STXBP5L: variants seen among roughly 807,000 people sequenced by gnomAD.
The protein encoded by STXBP5L is syntaxin-binding protein 5-like.
A neutral mutation model predicts 144.5 loss-of-function variants in STXBP5L; 65 were observed. The ratio of observed to expected loss-of-function variants is 0.45; its 90% confidence interval spans 0.37 to 0.55. The LOEUF (loss-of-function observed/expected upper bound fraction) is 0.55, where lower values mean the gene tolerates loss of function less well. STXBP5L is among the 20% of genes least tolerant of loss of function. The pLI, the probability that STXBP5L is intolerant of heterozygous loss-of-function variation, is 0.00. For missense variants in STXBP5L, 1,298 were observed against 1,405.5 expected, an observed-to-expected ratio of 0.92 and a Z score of 1.22; for synonymous variants, 505 against 469.6, an observed-to-expected ratio of 1.08 and a Z score of -0.97.
At chr3:121,003,265 G>A (rs565561501) in intron 3 of STXBP5L, among the ~76,000 whole-genome samples, 3 of 152,168 alleles carry the variant, frequency 2.0e-5, no homozygotes, top group South Asian at 2.1e-4. Context: ...GTGTGAGACG[G>A]TATCTCATTG....
intron 15 of STXBP5L, 69 bp from the exon 16 acceptor site, chr3:121,254,826 G>A (rs1005393661): frequency 1.4e-5 from 18 of 1,314,660 alleles, no homozygotes; most frequent in Non-Finnish European, 1.6e-5. Flanking sequence ...CAAATATATT[G>A]GAAAAGCTTT....
At chr3:121,362,548 A>C (rs2045742545) in intron 20 of STXBP5L, among the ~76,000 whole-genome samples, 1 of 152,082 alleles carries the variant, frequency 6.6e-6, no homozygotes, top group African/African-American at 2.4e-5. Context: ...TCATGCTACC[A>C]CTAACATTCC....
intron 10 of STXBP5L, among the ~76,000 whole-genome samples, chr3:121,210,310 A>T (rs1427783099): frequency 6.6e-6 from 1 of 151,440 alleles, no homozygotes; most frequent in Non-Finnish European, 1.5e-5. Context: ...ATTTAAGTTC[A>T]TTGTAGATTC....
chr3:121,187,364 A>G (rs1366970060), intron 9 of STXBP5L, among the ~76,000 whole-genome samples: 1 of 138,374 alleles, frequency 7.2e-6, no homozygotes, highest in East Asian at 2.5e-4. Flanking sequence ...GAACACATGG[A>G]CACAGGAAGG....
rs78158375 is a variant in STXBP5L at position 121,069,515 on chromosome 3, G to T, written c.470+23980G>T. Among the ~76,000 whole-genome samples the T allele has an allele frequency of 1.1e-3, 166 of 151,972 alleles. 3 individuals are homozygous for T. In the East Asian group the frequency reaches 0.032, roughly 29 times the overall value. On this transcript the variant is annotated intron_variant, in intron 5 of 26. Transcript: ENST00000471454. ...TCTCTCGGTGTAATTTCCAAAAAGC[G>T]CAATTGCCGGGTTGTATGACATTTG...
chr3:120,910,044 GTATTA>G (rs1464913171), intron 2 of STXBP5L, among the ~76,000 whole-genome samples: 3 of 152,178 alleles, frequency 2.0e-5, no homozygotes, highest in African/African-American at 7.2e-5. Context: ...TAATATTTGT[GTATTA>G]TATTAACTGA....
intron 19 of STXBP5L, among the ~76,000 whole-genome samples, chr3:121,291,655 C>G (rs1424895940): frequency 1.3e-5 from 2 of 152,142 alleles, no homozygotes; most frequent in Admixed American, 1.3e-4. Context: ...TGACTTCAAA[C>G]TACACTACAA....
At chr3:121,020,604 C>A (rs1029520232) in intron 3 of STXBP5L, among the ~76,000 whole-genome samples, 11 of 152,136 alleles carry the variant, frequency 7.2e-5, no homozygotes, top group African/African-American at 2.7e-4. Context: ...TGGTTCCTAT[C>A]TTTAGTTTCC....
At chr3:121,237,829 C>T (rs773321254) in intron 12 of STXBP5L, among the ~76,000 whole-genome samples, 7 of 152,178 alleles carry the variant, frequency 4.6e-5, no homozygotes, top group Non-Finnish European at 7.3e-5. Flanking sequence ...TTCTCTGCTA[C>T]AGTGCAACAA....
At chr3:121,019,159 C>A (rs532857386) in intron 3 of STXBP5L, among the ~76,000 whole-genome samples, 93 of 152,258 alleles carry the variant, frequency 6.1e-4, no homozygotes, top group African/African-American at 2.2e-3. Context: ...GTAATCCCCC[C>A]GGAATGTATC....
rs755403897 is a variant in STXBP5L at position 121,157,470 on chromosome 3, C to T, written c.754-34C>T. The T allele has an allele frequency of 1.4e-5, 21 of 1,532,816 alleles. No homozygotes were observed. The African/African-American group carries it at 1.9e-4, about 14-fold the overall frequency. 95.0% of individuals were successfully genotyped at this position (1,532,816 alleles called of 1,614,324 possible). On this transcript the variant is annotated intron_variant, in intron 8 of 26. Coordinates refer to ENST00000471454, the MANE Select transcript of STXBP5L (RefSeq NM_001308330.2). Reference sequence around the variant, plus strand: ...AATGATATAACCTATCTACTTTTTTCCCCCTCTACTTGTTTTAATTGTTAT... The same window carrying T: ...AATGATATAACCTATCTACTTTTTTTCCCCTCTACTTGTTTTAATTGTTAT...
chr3:121,159,966 G>C (rs941940802), intron 9 of STXBP5L, among the ~76,000 whole-genome samples: 1 of 152,132 alleles, frequency 6.6e-6, no homozygotes, highest in Non-Finnish European at 1.5e-5. Flanking sequence ...GGTCAAACTT[G>C]AAATTGTGTT....
intron 19 of STXBP5L, among the ~76,000 whole-genome samples, chr3:121,314,705 A>C (rs555272529): frequency 6.6e-6 from 1 of 152,102 alleles, no homozygotes; most frequent in Non-Finnish European, 1.5e-5. Flanking sequence ...GCAACCTACA[A>C]AATGGGAGAA....
At chr3:121,133,989 T>G (rs2045122907) in intron 7 of STXBP5L, among the ~76,000 whole-genome samples, 1 of 152,152 alleles carries the variant, frequency 6.6e-6, no homozygotes, top group South Asian at 2.1e-4. Context: ...GATTACAATT[T>G]GAGATGAGAT....
chr3:121,171,331 A>C (rs556066799), intron 9 of STXBP5L, among the ~76,000 whole-genome samples: 3 of 152,230 alleles, frequency 2.0e-5, no homozygotes, highest in Non-Finnish European at 2.9e-5. Context: ...ACTGCTATTC[A>C]ACATAGTGTT....
In STXBP5L at chr3:121,040,960, T is replaced by G. The variant is rs1047968163; in HGVS notation, c.288-740T>G. ...AGTGGAGACTCTCATCTAATTTGTA[T>G]CTTTATGCAAGCAAACAAATGATAA... On this transcript the variant is annotated intron_variant, in intron 3 of 26. Transcript: ENST00000471454. Among the ~76,000 whole-genome samples the G allele has an allele frequency of 3.3e-5, 5 of 152,224 alleles. No individual in the cohort carries two copies. The East Asian group carries it at 9.6e-4, about 29-fold the overall frequency.
chr3:121,245,092 C>T (rs1461617252), intron 14 of STXBP5L, among the ~76,000 whole-genome samples: 1 of 151,834 alleles, frequency 6.6e-6, no homozygotes. Flanking sequence ...ATAATTTAAA[C>T]AATAACAACA....
chr3:121,308,534 C>A (rs1160712609), intron 19 of STXBP5L, among the ~76,000 whole-genome samples: 4 of 151,980 alleles, frequency 2.6e-5, no homozygotes, highest in African/African-American at 7.2e-5. Flanking sequence ...ATTTTTAAAG[C>A]AATTTATAAA....
chr3:120,938,222 A>T (rs1231991048), intron 2 of STXBP5L, among the ~76,000 whole-genome samples: 3 of 152,018 alleles, frequency 2.0e-5, no homozygotes, highest in Admixed American at 2.0e-4. Flanking sequence ...TAATATTTCT[A>T]CTTAATATAT....
Sources: gnomAD v4.1 joint callset for allele counts (sites outside exome capture counted in the v4.1 genomes callset) on GRCh38, gnomAD v4.1.1 for gene constraint, MANE v1.5 for transcripts, NCBI Gene and HGNC (gene_info 2026-07-23, HGNC 2026-07-21) for gene names.